ENTREP2: variants seen among roughly 807,000 people sequenced by gnomAD.
ENTREP2 encodes endosomal transmembrane epsin interactor 2.
At chr15:29,174,654 C>T in the ENTREP2 span, among the ~76,000 whole-genome samples, 2 of 150,388 alleles carry the variant, frequency 1.3e-5, no homozygotes, top group Non-Finnish European at 2.9e-5. Context: ...CGCGCCACTG[C>T]GCTCTAGCCT....
the ENTREP2 span, among the ~76,000 whole-genome samples, chr15:29,219,491 G>A: frequency 1.3e-5 from 2 of 150,732 alleles, no homozygotes; most frequent in Non-Finnish European, 2.9e-5. Context: ...AGGAAAAGAA[G>A]TGATTATATG....
At chr15:29,186,784 CTCTT>C in the ENTREP2 span, among the ~76,000 whole-genome samples, 1 of 152,168 alleles carries the variant, frequency 6.6e-6, no homozygotes, top group African/African-American at 2.4e-5. Context: ...GTTGTTCTTT[CTCTT>C]TCTTTGTTCT....
the ENTREP2 span, among the ~76,000 whole-genome samples, chr15:29,257,937 C>T: frequency 2.6e-5 from 4 of 151,846 alleles, no homozygotes; most frequent in Admixed American, 6.6e-5. Flanking sequence ...CTTTGCTGGG[C>T]GCGGTGGCTC....
the ENTREP2 span, among the ~76,000 whole-genome samples, chr15:29,415,029 A>C: frequency 6.6e-6 from 1 of 152,146 alleles, no homozygotes; most frequent in East Asian, 1.9e-4. Context: ...CAACCAAAAA[A>C]AGTCCAGGAC....
At chr15:29,474,222 AAG>A in the ENTREP2 span, among the ~76,000 whole-genome samples, 3 of 152,160 alleles carry the variant, frequency 2.0e-5, no homozygotes, top group Non-Finnish European at 2.9e-5. Flanking sequence ...GGTGGGCGAG[AAG>A]AGAGGCTACC....
At chr15:29,162,322 G>A in the ENTREP2 span, among the ~76,000 whole-genome samples, 137 of 152,300 alleles carry the variant, frequency 9.0e-4, no homozygotes, top group African/African-American at 3.2e-3. Flanking sequence ...GCCAGAACTC[G>A]GGGGAGGGCG....
chr15:29,570,709 G>T, the ENTREP2 span: 3 of 1,087,164 alleles, frequency 2.8e-6, no homozygotes, highest in Non-Finnish European at 3.3e-6. Flanking sequence ...CTCGGGGGCC[G>T]CCGGCCGGAG....
chr15:29,565,717 A>G, the ENTREP2 span, among the ~76,000 whole-genome samples: 1 of 152,184 alleles, frequency 6.6e-6, no homozygotes, highest in African/African-American at 2.4e-5. Context: ...TAATCTCAGC[A>G]CTTTGGGAGG....
At chr15:29,390,196 G>A in the ENTREP2 span, among the ~76,000 whole-genome samples, 1 of 152,090 alleles carries the variant, frequency 6.6e-6, no homozygotes, top group East Asian at 1.9e-4. Context: ...CCAGCTACCA[G>A]CAAGGATTAT....
the ENTREP2 span, among the ~76,000 whole-genome samples, chr15:29,617,666 A>G: frequency 6.6e-6 from 1 of 152,234 alleles, no homozygotes; most frequent in South Asian, 2.1e-4. Flanking sequence ...TTGGGGGAAG[A>G]TATTCAAAGC....
At chr15:29,190,111 C>A in the ENTREP2 span, among the ~76,000 whole-genome samples, 1 of 152,168 alleles carries the variant, frequency 6.6e-6, no homozygotes, top group Non-Finnish European at 1.5e-5. Context: ...CCAGGACCTG[C>A]TCAGGAACCC....
the ENTREP2 span, among the ~76,000 whole-genome samples, chr15:29,180,276 G>A: frequency 4.5e-3 from 678 of 152,280 alleles, 2 homozygotes; most frequent in African/African-American, 0.016. Flanking sequence ...CCACAAAGTC[G>A]TGCACAAAGC....
chr15:29,340,966 A>T, the ENTREP2 span, among the ~76,000 whole-genome samples: 4 of 152,180 alleles, frequency 2.6e-5, no homozygotes, highest in African/African-American at 9.7e-5. Context: ...TTATGACTCA[A>T]ATATGCCAGG....
the ENTREP2 span, among the ~76,000 whole-genome samples, chr15:29,616,026 G>A: frequency 5.9e-5 from 9 of 152,300 alleles, no homozygotes; most frequent in East Asian, 3.9e-4. Flanking sequence ...AGCTGCCATC[G>A]CCCAGGCTAA....
the ENTREP2 span, among the ~76,000 whole-genome samples, chr15:29,139,640 G>T: frequency 1.3e-5 from 2 of 152,226 alleles, no homozygotes; most frequent in African/African-American, 2.4e-5. Context: ...CTCCGCAGGT[G>T]CAAGTGAGCA....
the ENTREP2 span, among the ~76,000 whole-genome samples, chr15:29,649,057 T>TACACAC: frequency 0.02 from 2,940 of 144,952 alleles, 38 homozygotes; most frequent in African/African-American, 0.032. Context: ...GGGACACATG[T>TACACAC]ACACACACAC....
At chr15:29,626,044 C>A in the ENTREP2 span, among the ~76,000 whole-genome samples, 1 of 152,228 alleles carries the variant, frequency 6.6e-6, no homozygotes, top group Admixed American at 6.5e-5. Context: ...GACAGGGTTT[C>A]GCCATGTTGG....
the ENTREP2 span, among the ~76,000 whole-genome samples, chr15:29,570,955 C>CGCCG: frequency 2.1e-5 from 3 of 144,920 alleles, no homozygotes. Flanking sequence ...GCCGCCCGCC[C>CGCCG]GCCGGCCGCG....
chr15:29,288,857 G>A, the ENTREP2 span, among the ~76,000 whole-genome samples: 8 of 152,092 alleles, frequency 5.3e-5, no homozygotes, highest in Admixed American at 3.3e-4. Context: ...GTATATATCC[G>A]CCCAACAAAT....
Sources: allele counts gnomAD v4.1 joint callset (sites outside exome capture counted in the v4.1 genomes callset), GRCh38; gene constraint gnomAD v4.1.1; transcripts MANE v1.5; gene names NCBI Gene and HGNC (gene_info 2026-07-23, HGNC 2026-07-21).